The following DNAH7 variants were observed in gnomAD, a reference collection of about 807,000 sequenced individuals.
DNAH7 encodes the protein axonemal beta dynein heavy chain 7.
DNAH7 carries 397 observed loss-of-function variants against 444.6 expected under a neutral mutation model. That is an observed-to-expected ratio of 0.89 (90% CI 0.82 to 0.97). The LOEUF is 0.97. DNAH7 is among the 50% of genes least tolerant of loss of function. DNAH7 has a pLI of 0.00. For synonymous variants in DNAH7, 1,636 were observed against 1,624.4 expected, an observed-to-expected ratio of 1.01 and a Z score of -0.17; for missense variants, 4,902 against 4,800.8, an observed-to-expected ratio of 1.02 and a Z score of -0.62.
At chr2:195,738,412 T>TAAA (rs10657533) in intron 64 of DNAH7, among the ~76,000 whole-genome samples, 1,947 of 150,354 alleles carry the variant, frequency 0.013, 38 homozygotes, top group East Asian at 0.072. Context: ...CTTACAATGA[T>TAAA]AAAAAAAAAA....
At chr2:195,865,757 T>C (rs957326687) in intron 40 of DNAH7, among the ~76,000 whole-genome samples, 1 of 152,068 alleles carries the variant, frequency 6.6e-6, no homozygotes, top group Non-Finnish European at 1.5e-5. Context: ...TGTGACTGGA[T>C]TTGGGGATAG....
At chr2:195,998,384 G>T (rs187213649) in intron 12 of DNAH7, among the ~76,000 whole-genome samples, 192 of 152,136 alleles carry the variant, frequency 1.3e-3, no homozygotes, top group African/African-American at 4.6e-3. Flanking sequence ...GACCATCTTG[G>T]CTAAGACGTT....
chr2:195,874,905 G>A (rs552343632), intron 38 of DNAH7, among the ~76,000 whole-genome samples: 3 of 152,136 alleles, frequency 2.0e-5, no homozygotes, highest in Non-Finnish European at 4.4e-5. Flanking sequence ...TGCATTACAG[G>A]TCAGATAAAG....
chr2:195,753,241 T>C (rs1284501871), intron 63 of DNAH7, among the ~76,000 whole-genome samples: 1 of 150,676 alleles, frequency 6.6e-6, no homozygotes, highest in Non-Finnish European at 1.5e-5. Flanking sequence ...TCATGAAGGA[T>C]AAGGTGAGAT....
At position 195,858,942 on chromosome 2, in the gene DNAH7, A is replaced by G. The variant is rs1005654253; in HGVS notation, c.7737-138T>C. 7 of 669,732 alleles carry G rather than the reference A, an allele frequency of 1.0e-5. No individual in the cohort carries two copies. In the Admixed American group the frequency reaches 1.9e-4, roughly 18 times the overall value. 41.5% of individuals were successfully genotyped at this position (669,732 alleles called of 1,614,324 possible). ...GGTCTAAAAGATTTTCATATAAATG[A>G]CAATCTGTCAAAACATGAAACCTAG... On this transcript the variant is annotated intron_variant, in intron 42 of 64. Coordinates refer to ENST00000312428, the MANE Select transcript of DNAH7 (RefSeq NM_018897.3).
intron 19 of DNAH7, among the ~76,000 whole-genome samples, chr2:195,953,975 A>G (rs996840758): frequency 2.6e-5 from 4 of 152,212 alleles, no homozygotes; most frequent in African/African-American, 7.2e-5. Flanking sequence ...ATACTAACAT[A>G]TGGAGAAAGA....
At chr2:195,913,510 G>C (rs1687482688) in intron 24 of DNAH7, among the ~76,000 whole-genome samples, 1 of 152,088 alleles carries the variant, frequency 6.6e-6, no homozygotes, top group African/African-American at 2.4e-5. Context: ...TGTTAAACTT[G>C]GAGAATATAA....
intron 3 of DNAH7, among the ~76,000 whole-genome samples, chr2:196,050,417 G>C (rs1176575493): frequency 1.3e-5 from 2 of 151,934 alleles, no homozygotes; most frequent in African/African-American, 4.8e-5. Context: ...GGAGATGAGT[G>C]GTAGTAATAA....
intron 31 of DNAH7, among the ~76,000 whole-genome samples, chr2:195,890,439 A>C (rs1172919037): frequency 6.6e-6 from 1 of 152,204 alleles, no homozygotes; most frequent in African/African-American, 2.4e-5. Flanking sequence ...ACTCCCTGAG[A>C]CTCAGTATTT....
rs1258600074 is a variant in DNAH7 at position 195,857,532 on chromosome 2, A to G, written c.8259T>C (p.His2753=). 6.2e-7 allele frequency: 1 copy of G among 1,613,996 alleles called. No homozygotes were observed. The highest frequency in any genetic ancestry group is 1.1e-5 in the South Asian group (1 of 91,076). ...GAGGAATATTGTCCTTGTCATATTC[A>G]TGAAGTGACTGCAGAAACCTCATGT... is the stretch of plus-strand genomic sequence containing the variant. ...LGDMRFLQSL[H]EYDKDNIPPA... is the part of the protein sequence containing the mutation. Residue 2753 remains histidine, a synonymous_variant, in exon 44 of 65, where the codon CAT becomes CAC. Coordinates refer to ENST00000312428, the MANE Select transcript of DNAH7 (RefSeq NM_018897.3).
intron 62 of DNAH7, 28 bp downstream of exon 62, chr2:195,756,105 C>T: frequency 1.3e-6 from 2 of 1,564,788 alleles, no homozygotes; most frequent in Non-Finnish European, 1.7e-6. Flanking sequence ...AGAAACTTAA[C>T]AATATACGAT....
chr2:196,055,048 AT>A (rs1697718837), intron 2 of DNAH7, among the ~76,000 whole-genome samples: 1 of 152,214 alleles, frequency 6.6e-6, no homozygotes, highest in Admixed American at 6.5e-5. Context: ...TTTTAGCTTT[AT>A]CTTAGAAAAT....
At chr2:195,787,951 GA>G (rs1695707676) in intron 57 of DNAH7, among the ~76,000 whole-genome samples, 1 of 152,258 alleles carries the variant, frequency 6.6e-6, no homozygotes, top group South Asian at 2.1e-4. Context: ...ACGGGGTGAG[GA>G]AACCCCAAGG....
At chr2:195,809,374 G>C (rs371712013) in intron 52 of DNAH7, among the ~76,000 whole-genome samples, 2 of 152,140 alleles carry the variant, frequency 1.3e-5, no homozygotes, top group African/African-American at 4.8e-5. Flanking sequence ...AAACACGTAA[G>C]TGTATAAAAT....
At chr2:195,777,357 C>A (rs1240838202) in intron 59 of DNAH7, among the ~76,000 whole-genome samples, 1 of 152,152 alleles carries the variant, frequency 6.6e-6, no homozygotes, top group African/African-American at 2.4e-5. Flanking sequence ...AACCTGCTTT[C>A]TCATTTGTAA....
intron 17 of DNAH7, among the ~76,000 whole-genome samples, chr2:195,963,827 G>C (rs1293986578): frequency 1.3e-5 from 2 of 152,146 alleles, no homozygotes; most frequent in Admixed American, 6.5e-5. Context: ...TTCTGTATAT[G>C]AATATCCAGT....
intron 56 of DNAH7, among the ~76,000 whole-genome samples, 169 bp from the exon 57 acceptor site, chr2:195,794,707 CAAT>C (rs1696054949): frequency 6.6e-6 from 1 of 152,310 alleles, no homozygotes; most frequent in African/African-American, 2.4e-5. Context: ...GCTCCTAAAA[CAAT>C]AACACCTTGT....
intron 62 of DNAH7, among the ~76,000 whole-genome samples, chr2:195,755,365 T>A (rs1694020768): frequency 6.6e-6 from 1 of 152,208 alleles, no homozygotes; most frequent in Non-Finnish European, 1.5e-5. Context: ...AGTTCTCTGT[T>A]CATAACATAG....
intron 63 of DNAH7, among the ~76,000 whole-genome samples, chr2:195,745,221 G>A (rs1255248673): frequency 4.6e-5 from 7 of 152,200 alleles, no homozygotes; most frequent in Non-Finnish European, 1.0e-4. Context: ...GAAGCCTCAG[G>A]AGCCGATGCG....
Sources: allele counts gnomAD v4.1 joint callset (sites outside exome capture counted in the v4.1 genomes callset), GRCh38; gene constraint gnomAD v4.1.1; transcripts MANE v1.5; gene names NCBI Gene and HGNC (gene_info 2026-07-23, HGNC 2026-07-21).